The following PTPN7 variants were observed in gnomAD, a reference collection of about 807,000 sequenced individuals.
PTPN7 encodes protein tyrosine phosphatase non-receptor type 7, also known as tyrosine-protein phosphatase non-receptor type 7.
PTPN7 carries 33 observed loss-of-function variants against 50.3 expected under a neutral mutation model. The observed-to-expected ratio is 0.66, with a 90% CI of 0.50 to 0.88. The LOEUF (loss-of-function observed/expected upper bound fraction) is 0.88, where lower values mean the gene tolerates loss of function less well. Among genes scored for constraint, PTPN7 ranks in the 40% least tolerant of loss-of-function variants. The pLI is 0.00. For synonymous variants in PTPN7, 185 were observed against 186.6 expected (o/e 0.99, Z 0.07); for missense variants, 412 against 475.4 (o/e 0.87, Z 1.24).
intron 4 of PTPN7, among the ~76,000 whole-genome samples, chr1:202,157,377 C>T (rs1340643667): frequency 2.6e-5 from 4 of 152,032 alleles, no homozygotes; most frequent in South Asian, 2.1e-4. Context: ...CGCATGGAGG[C>T]GCATGCCTGT....
rs61757798 is a variant in PTPN7, at chr1:202,159,473, C to T, written c.-52-19G>A. On this transcript the variant is annotated intron_variant, in intron 1 of 9. Transcript: ENST00000691036. The surrounding 1 kb of genome is among the most constrained non-coding windows in gnomAD (Gnocchi z 4.6). Reference sequence around the variant, plus strand: ...GGTCTGCCTGAAAGACAGGGCCCTCCGCTGCTGTTCTCTGGCCTGCCTGAT... The same window carrying T: ...GGTCTGCCTGAAAGACAGGGCCCTCTGCTGCTGTTCTCTGGCCTGCCTGAT... 21,799 of 1,606,104 alleles carry T rather than the reference C, an allele frequency of 0.014. 221 individuals are homozygous for T. Among genetic ancestry groups the T allele is most frequent in the Middle Eastern group, 0.033 (198 of 6,026 alleles).
intron 9 of PTPN7, among the ~76,000 whole-genome samples, chr1:202,148,941 T>G (rs576507224): frequency 1.6e-5 from 2 of 128,568 alleles, no homozygotes; most frequent in Admixed American, 2.0e-4. Context: ...CTGCAACCTC[T>G]GCCTCCCAGG....
In PTPN7 at chr1:202,150,341, A is replaced by T; in HGVS notation, c.959T>A (p.Leu320Gln). 6.2e-7 allele frequency: 1 copy of T among 1,612,970 alleles called. No homozygotes were observed. The highest frequency in any genetic ancestry group is 8.5e-7 in the Non-Finnish European group (1 of 1,179,524). ...QLKARGEVDI[L>Q]GIVCQLRLDR... ...TAGCCGCAGTTGGCACACAATACCCAGAATGTCCACTTCTCCTCGGGCTTT... is the reference window on the plus strand; with the variant it reads ...TAGCCGCAGTTGGCACACAATACCCTGAATGTCCACTTCTCCTCGGGCTTT... The change falls in exon 9 of 10, where the codon CTG (leucine) becomes CAG (glutamine). Residue 320 changes from leucine (L) to glutamine (Q), a missense_variant. Leu to Gln is a moderately radical substitution (Grantham distance 113). Coordinates refer to ENST00000691036, the MANE Select transcript of PTPN7 (RefSeq NM_002832.4).
rs148465077 is a variant in PTPN7, at chr1:202,152,073, C to T, written c.875+469G>A. 8.9e-4 allele frequency among the ~76,000 whole-genome samples: 135 copies of T among 152,012 alleles called. 3 individuals carry two copies. In the East Asian group the frequency reaches 0.025, roughly 28 times the overall value. On this transcript the variant is annotated intron_variant, in intron 8 of 9. Coordinates refer to ENST00000691036, the MANE Select transcript of PTPN7 (RefSeq NM_002832.4). ...TACAAGTGTGTGCTACCACGCCTGG[C>T]TAATTTTTGTATTTTTTAGTAGAGA...
At position 202,157,818 on chromosome 1, in the gene PTPN7, G is replaced by T. The variant is rs139762573; in HGVS notation, c.312C>A (p.Ile104=). The T allele has an allele frequency of 1.3e-5, 21 of 1,613,896 alleles. No individual in the cohort carries two copies. The African/African-American group carries it at 2.8e-4, about 22-fold the overall frequency. ...PKQLEEEFLK[I]PSNFVSPEDL... ...CTTCGGGGCTGACAAAGTTTGAAGGGATCTTCTGGCAGGGGGAGGAAATGG... is the reference window on the plus strand; with the variant it reads ...CTTCGGGGCTGACAAAGTTTGAAGGTATCTTCTGGCAGGGGGAGGAAATGG... The change falls in exon 4 of 10, where the codon ATC becomes ATA. Residue 104 remains isoleucine, a synonymous_variant. Transcript: ENST00000691036.
chr1:202,160,951 C>A (rs1173894602), upstream of PTPN7: 29 of 1,429,094 alleles, frequency 2.0e-5, no homozygotes, highest in Non-Finnish European at 2.6e-5. This position sits in a 1 kb window ranked among gnomAD's most constrained non-coding sequence, Gnocchi z 4.8. Context: ...CCAAGGCTCT[C>A]CTGCTCAACC....
At chr1:202,155,506 G>A (rs375439535) in intron 5 of PTPN7, 27 bp downstream of exon 5, 35 of 1,522,410 alleles carry the variant, frequency 2.3e-5, no homozygotes, top group African/African-American at 4.1e-5. Flanking sequence ...CCCATTCCCC[G>A]CCCACCACTG....
chr1:202,159,503 C>T lies in PTPN7; in HGVS notation c.-52-49G>A, dbSNP rs1339688500. 2 of 1,579,370 alleles carry T rather than the reference C, an allele frequency of 1.3e-6. No homozygotes were observed. The highest frequency in any genetic ancestry group is 1.7e-4 in the Middle Eastern group (1 of 5,898). On this transcript the variant is annotated intron_variant, in intron 1 of 9. Transcript: ENST00000691036. The surrounding 1 kb of genome is among the most constrained non-coding windows in gnomAD (Gnocchi z 4.6). ...CTGTTCTCTGGCCTGCCTGATTGGC[C>T]AGAAGGAGGCTCCCATGCCAGGCCA...
chr1:202,154,205 T>A lies in PTPN7; in HGVS notation c.587A>T (p.Gln196Leu). ...EEVSLIVMLT[Q>L]LREGKEKCVH... ...TCCTACCTCCTTGCCCTCTCGGAGC[T>A]GAGTGAGCATGACAATGAGGGACAC... Residue 196 changes from glutamine (Q) to leucine (L), a missense_variant, in exon 6 of 10, where the codon CAG (glutamine) becomes CTG (leucine). Physicochemically the swap from Gln to Leu is moderately radical, Grantham distance 113. Coordinates refer to ENST00000691036, the MANE Select transcript of PTPN7 (RefSeq NM_002832.4). 1.2e-6 allele frequency: 2 copies of A among 1,614,072 alleles called. No individual in the cohort carries two copies. The highest frequency in any genetic ancestry group is 1.7e-6 in the Non-Finnish European group (2 of 1,180,028).
In PTPN7 at chr1:202,159,347, C is replaced by G. The variant is rs756870763; in HGVS notation, c.56G>C (p.Gly19Ala). 1 of 1,614,218 alleles carries G rather than the reference C, an allele frequency of 6.2e-7. No individual in the cohort carries two copies. The highest frequency in any genetic ancestry group is 1.1e-5 in the South Asian group (1 of 91,090). Residue 19 changes from glycine (G) to alanine (A), a missense_variant, in exon 2 of 10, where the codon GGG (glycine) becomes GCG (alanine). By Grantham distance (60) the Gly-to-Ala change is moderately conservative. Transcript: ENST00000691036. This position sits in a 1 kb window ranked among gnomAD's most constrained non-coding sequence, Gnocchi z 4.6. ...AGGCGGAGGCTGGGTCATGGCTGCC[C>G]CCAAAGACAAGGTCAACGGCTGTGC... ...SRAQPLTLSL[G>A]AAMTQPPPEK...
rs903556844 is a variant in PTPN7 at position 202,159,552 on chromosome 1, G to A, written c.-52-98C>T. On this transcript the variant is annotated intron_variant, in intron 1 of 9. Transcript: ENST00000691036. This position sits in a 1 kb window ranked among gnomAD's most constrained non-coding sequence, Gnocchi z 4.6. ...CAGGTTTGCACTCTGTTTTCACTGG[G>A]GCGTCTTCTGTTCCCCAAGAGGTGG... 3 of 1,512,168 alleles carry A rather than the reference G, an allele frequency of 2.0e-6. No homozygotes were observed. Among genetic ancestry groups the A allele is most frequent in the Non-Finnish European group, 2.6e-6 (3 of 1,132,804 alleles). The allele number at this position is 1,512,168 out of a possible 1,614,324, so 93.7% of individuals were successfully genotyped here.
chr1:202,150,663 G>A (rs920934875), intron 8 of PTPN7, among the ~76,000 whole-genome samples: 13 of 152,300 alleles, frequency 8.5e-5, no homozygotes, highest in South Asian at 4.1e-4. Context: ...CTGTAAGCCT[G>A]TTGCAGGCCA....
chr1:202,161,236 T>A (rs948432551), upstream of PTPN7: 1 of 1,126,938 alleles, frequency 8.9e-7, no homozygotes, highest in Non-Finnish European at 1.1e-6. Flanking sequence ...ACGGCCCAGC[T>A]CTCCACAGCC....
chr1:202,152,560 G>A lies in PTPN7; in HGVS notation c.857C>T (p.Pro286Leu), dbSNP rs140588061. ...CACGCACCTGCAGTGGACTACGATAGGCCCGGGGTGGGCGGCTGTCTCCGG... is the reference window on the plus strand; with the variant it reads ...CACGCACCTGCAGTGGACTACGATAAGCCCGGGGTGGGCGGCTGTCTCCGG... ...ESPETAAHPG[P>L]IVVHCSAGIG... The change falls in exon 8 of 10, where the codon CCT (proline) becomes CTT (leucine). Residue 286 changes from proline (P) to leucine (L), a missense_variant. Transcript: ENST00000691036. 1 of 1,613,070 alleles carries A rather than the reference G, an allele frequency of 6.2e-7. No homozygotes were observed. Among genetic ancestry groups the A allele is most frequent in the African/African-American group, 1.3e-5 (1 of 74,922 alleles).
intron 5 of PTPN7, among the ~76,000 whole-genome samples, chr1:202,155,327 T>C (rs1656532335): frequency 6.6e-6 from 1 of 152,126 alleles, no homozygotes; most frequent in South Asian, 2.1e-4. Flanking sequence ...TCTCCAGATA[T>C]TTTTCAACAT....
At position 202,152,879 on chromosome 1, in the gene PTPN7, C is replaced by T. The variant is rs188088738; in HGVS notation, c.718-180G>A. 4.1e-4 allele frequency among the ~76,000 whole-genome samples: 62 copies of T among 152,280 alleles called. No homozygotes were observed. In the East Asian group the frequency reaches 6.7e-3, roughly 17 times the overall value. On this transcript the variant is annotated intron_variant, in intron 7 of 9. Transcript: ENST00000691036. ...TCCACCACTTCCCCCTTCAAAATCCCGGGAAGGAGCATTGTCCTGGGAGAG... is the reference window on the plus strand; with the variant it reads ...TCCACCACTTCCCCCTTCAAAATCCTGGGAAGGAGCATTGTCCTGGGAGAG...
chr1:202,151,081 CT>C (rs1480519754), intron 8 of PTPN7, among the ~76,000 whole-genome samples: 1 of 152,172 alleles, frequency 6.6e-6, no homozygotes, highest in Non-Finnish European at 1.5e-5. Context: ...TGGTCCCTTT[CT>C]TTAGTCTTGT....
chr1:202,160,499 A>AC lies in PTPN7; in HGVS notation c.-53+45dup, dbSNP rs1218296975. The AC allele has an allele frequency of 8.6e-6, 13 of 1,507,838 alleles. No individual in the cohort carries two copies. Among genetic ancestry groups the AC allele is most frequent in the South Asian group, 2.5e-5 (2 of 80,768 alleles). 93.4% of individuals were successfully genotyped at this position (1,507,838 alleles called of 1,614,324 possible). On this transcript the variant is annotated intron_variant, in intron 1 of 9. Transcript: ENST00000691036. The surrounding 1 kb of genome is among the most constrained non-coding windows in gnomAD (Gnocchi z 4.8). The stretch of plus-strand genomic sequence containing the variant: ...GCCCTCTTATATCCCCGGAGTTCGC[A>AC]CCCCCCGGGGCCACAGGACTCCCAG...
chr1:202,152,527 G>C lies in PTPN7; in HGVS notation c.875+15C>G, dbSNP rs1558315717. On this transcript the variant is annotated intron_variant, in intron 8 of 9. Transcript: ENST00000691036. ...AGCACAGTCCACAGGCTGCAGTGAAGGGAGGGCCACGCACCTGCAGTGGAC... is the reference window on the plus strand; with the variant it reads ...AGCACAGTCCACAGGCTGCAGTGAACGGAGGGCCACGCACCTGCAGTGGAC... 2.5e-6 allele frequency: 4 copies of C among 1,609,888 alleles called. No homozygotes were observed. Among genetic ancestry groups the C allele is most frequent in the Non-Finnish European group, 3.4e-6 (4 of 1,179,400 alleles).
Sources: gnomAD v4.1 joint callset for allele counts (sites outside exome capture counted in the v4.1 genomes callset) on GRCh38, gnomAD v4.1.1 for gene constraint, Gnocchi (gnomAD v3.1) non-coding constraint, MANE v1.5 for transcripts, NCBI Gene and HGNC (gene_info 2026-07-23, HGNC 2026-07-21) for gene names.